DNM3: variants seen among roughly 807,000 people sequenced by gnomAD.
The protein encoded by DNM3 is dynamin-3.
Under a neutral mutation model 101.6 loss-of-function variants are expected in DNM3, and 47 were observed. The ratio of observed to expected loss-of-function variants is 0.46; its 90% CI spans 0.37 to 0.59. The LOEUF is 0.59. Ranked by LOEUF, DNM3 falls within the 20% of genes least tolerant of loss-of-function variation. The pLI, the probability that DNM3 is intolerant of heterozygous loss-of-function variation, is 0.00. For synonymous variants in DNM3, 385 were observed against 387.9 expected (o/e 0.99, Z 0.09); for missense variants, 849 against 1,085.7 (o/e 0.78, Z 3.06).
In DNM3 at chr1:172,279,535, A is replaced by G. The variant is rs185151266; in HGVS notation, c.1769+25853A>G. The stretch of plus-strand genomic sequence containing the variant: ...TATGCTGTTGACCCTAAAGGTACAC[A>G]TCCAACTCTGATTACTCTTCTGGGC... On this transcript the variant is annotated intron_variant, in intron 15 of 20. Coordinates refer to ENST00000627582, the MANE Select transcript of DNM3 (RefSeq NM_015569.5). Among the ~76,000 whole-genome samples the G allele has an allele frequency of 1.1e-3, 166 of 152,234 alleles. 1 individual carries two copies. The highest frequency in any genetic ancestry group is 0.01 in the Admixed American group (157 of 15,270).
intron 6 of DNM3, among the ~76,000 whole-genome samples, chr1:172,034,196 T>G (rs1457119787): frequency 6.6e-6 from 1 of 152,148 alleles, no homozygotes; most frequent in Non-Finnish European, 1.5e-5. Context: ...AATTCCATTT[T>G]AAGAGGTACA....
At chr1:171,892,974 G>A (rs943433686) in intron 1 of DNM3, among the ~76,000 whole-genome samples, 1 of 151,882 alleles carries the variant, frequency 6.6e-6, no homozygotes, top group Non-Finnish European at 1.5e-5. Flanking sequence ...GTTCCTAACA[G>A]GCCATGGATA....
At chr1:172,113,756 G>T (rs191623215) in intron 13 of DNM3, among the ~76,000 whole-genome samples, 18 of 151,824 alleles carry the variant, frequency 1.2e-4, no homozygotes, top group Non-Finnish European at 2.2e-4. Context: ...AGCACATCCT[G>T]CATCGTGTGG....
intron 2 of DNM3, among the ~76,000 whole-genome samples, chr1:171,986,969 T>G (rs2045306654): frequency 6.6e-6 from 1 of 152,176 alleles, no homozygotes; most frequent in Admixed American, 6.5e-5. Flanking sequence ...TTGTAGGATG[T>G]TACTGAAAAT....
At chr1:172,208,884 G>A (rs1321043797) in intron 14 of DNM3, among the ~76,000 whole-genome samples, 2 of 152,076 alleles carry the variant, frequency 1.3e-5, no homozygotes, top group Non-Finnish European at 2.9e-5. Context: ...TTCAGAAAGA[G>A]TGAGGACTAG....
chr1:172,346,941 G>C (rs1486695270), intron 17 of DNM3, among the ~76,000 whole-genome samples: 1 of 152,068 alleles, frequency 6.6e-6, no homozygotes, highest in Non-Finnish European at 1.5e-5. Flanking sequence ...ACTGTATCCT[G>C]GTCTAAGAAT....
At chr1:172,068,108 A>G (rs1258422113) in intron 10 of DNM3, among the ~76,000 whole-genome samples, 2 of 152,198 alleles carry the variant, frequency 1.3e-5, no homozygotes, top group African/African-American at 4.8e-5. Context: ...CAGGTGGATC[A>G]CCTGAGGTCA....
chr1:172,215,965 A>G (rs1233609237), intron 14 of DNM3, among the ~76,000 whole-genome samples: 1 of 150,936 alleles, frequency 6.6e-6, no homozygotes, highest in Non-Finnish European at 1.5e-5. Flanking sequence ...CTCTTTAAAA[A>G]AAAAAGAAAG....
At chr1:172,223,965 T>C (rs546376334) in intron 14 of DNM3, among the ~76,000 whole-genome samples, 1 of 152,216 alleles carries the variant, frequency 6.6e-6, no homozygotes, top group Non-Finnish European at 1.5e-5. Flanking sequence ...TATATTTTTA[T>C]ACCAGCTTAA....
chr1:172,111,989 A>C (rs1158561886), intron 13 of DNM3, among the ~76,000 whole-genome samples: 1 of 152,182 alleles, frequency 6.6e-6, no homozygotes, highest in African/African-American at 2.4e-5. Context: ...CTACGTATTT[A>C]TACTTCTACC....
At chr1:172,320,531 C>T (rs889468894) in intron 16 of DNM3, among the ~76,000 whole-genome samples, 1 of 152,026 alleles carries the variant, frequency 6.6e-6, no homozygotes. Context: ...AACACAACAA[C>T]AGAAAACCAA....
At chr1:172,293,867 A>G (rs2064035086) in intron 15 of DNM3, among the ~76,000 whole-genome samples, 1 of 152,208 alleles carries the variant, frequency 6.6e-6, no homozygotes, top group South Asian at 2.1e-4. Flanking sequence ...AATACTCTGG[A>G]GAAAGGTCAG....
intron 1 of DNM3, among the ~76,000 whole-genome samples, chr1:171,892,820 G>T (rs769850401): frequency 6.6e-6 from 1 of 152,030 alleles, no homozygotes; most frequent in Non-Finnish European, 1.5e-5. Context: ...GACCTAAGGC[G>T]CATGCAACCT....
At chr1:172,030,624 TAGG>T (rs1192057267) in intron 4 of DNM3, among the ~76,000 whole-genome samples, 2 of 151,882 alleles carry the variant, frequency 1.3e-5, no homozygotes, top group Non-Finnish European at 1.5e-5. Context: ...ACCTACAGAA[TAGG>T]AGAAAATTTT....
chr1:172,059,976 C>T (rs2051027766), intron 10 of DNM3, among the ~76,000 whole-genome samples: 1 of 150,136 alleles, frequency 6.7e-6, no homozygotes, highest in African/African-American at 2.5e-5. Flanking sequence ...TCTCCTTAAG[C>T]TGATAAGCAA....
At chr1:172,313,774 T>G (rs1322995588) in intron 16 of DNM3, among the ~76,000 whole-genome samples, 2 of 151,998 alleles carry the variant, frequency 1.3e-5, no homozygotes, top group East Asian at 3.9e-4. Context: ...TAGCATTTAT[T>G]TATTTATTTA....
At chr1:172,142,479 A>C (rs1221170533) in intron 14 of DNM3, among the ~76,000 whole-genome samples, 1 of 152,082 alleles carries the variant, frequency 6.6e-6, no homozygotes, top group Non-Finnish European at 1.5e-5. Context: ...CGCTAGAGCC[A>C]CATCAAGCAT....
chr1:172,177,737 T>C lies in DNM3; in HGVS notation c.1659+46449T>C, dbSNP rs74126034. 6.2e-3 allele frequency among the ~76,000 whole-genome samples: 944 copies of C among 151,974 alleles called. 12 individuals are homozygous for C. The highest frequency in any genetic ancestry group is 0.021 in the African/African-American group (881 of 41,498). ...AGCACTTTGGCTCTGAGTGGACTTA[T>C]AGCCAACCCAGGGGAAATGCTAACA... is the stretch of plus-strand genomic sequence containing the variant. On this transcript the variant is annotated intron_variant, in intron 14 of 20. Coordinates refer to ENST00000627582, the MANE Select transcript of DNM3 (RefSeq NM_015569.5).
chr1:171,883,242 G>A (rs1334548880), intron 1 of DNM3, among the ~76,000 whole-genome samples: 1 of 151,738 alleles, frequency 6.6e-6, no homozygotes, highest in African/African-American at 2.4e-5. Context: ...TGCATGCAGT[G>A]GCTCACCTGT....
Sources: gnomAD v4.1 joint callset for allele counts (sites outside exome capture counted in the v4.1 genomes callset) on GRCh38, gnomAD v4.1.1 for gene constraint, MANE v1.5 for transcripts, NCBI Gene and HGNC (gene_info 2026-07-23, HGNC 2026-07-21) for gene names.